ABTB3: variants seen among roughly 807,000 people sequenced by gnomAD.
ABTB3 encodes ankyrin repeat and BTB domain containing 3.
At chr12:107,546,913 G>T in the ABTB3 span, among the ~76,000 whole-genome samples, 2 of 152,068 alleles carry the variant, frequency 1.3e-5, no homozygotes, top group African/African-American at 2.4e-5. Context: ...TCTGACCAAG[G>T]CTGGGCACAG....
the ABTB3 span, among the ~76,000 whole-genome samples, chr12:107,625,647 A>C: frequency 6.6e-6 from 1 of 152,104 alleles, no homozygotes; most frequent in East Asian, 1.9e-4. Flanking sequence ...ACTACTGGGC[A>C]GTAGTAAGAG....
At chr12:107,398,225 A>G in the ABTB3 span, among the ~76,000 whole-genome samples, 1 of 151,832 alleles carries the variant, frequency 6.6e-6, no homozygotes, top group Non-Finnish European at 1.5e-5. Flanking sequence ...GCCAGACGCC[A>G]CACCACCCTG....
the ABTB3 span, among the ~76,000 whole-genome samples, chr12:107,653,885 T>A: frequency 3.9e-5 from 6 of 152,342 alleles, no homozygotes; most frequent in East Asian, 1.2e-3. Context: ...ACCGTTCATC[T>A]ATAGAATTTT....
the ABTB3 span, among the ~76,000 whole-genome samples, chr12:107,404,572 C>T: frequency 6.6e-6 from 1 of 152,200 alleles, no homozygotes; most frequent in African/African-American, 2.4e-5. Flanking sequence ...AAAAATGTAG[C>T]ACCCCAAAAG....
the ABTB3 span, among the ~76,000 whole-genome samples, chr12:107,627,427 G>A: frequency 7.9e-5 from 12 of 152,202 alleles, no homozygotes; most frequent in African/African-American, 2.9e-4. Context: ...GCAGGTAGTT[G>A]TATTTTTATT....
At chr12:107,536,434 T>C in the ABTB3 span, among the ~76,000 whole-genome samples, 1 of 152,038 alleles carries the variant, frequency 6.6e-6, no homozygotes, top group Non-Finnish European at 1.5e-5. Context: ...AAGGAAACAA[T>C]TAACAAATTG....
the ABTB3 span, among the ~76,000 whole-genome samples, chr12:107,470,220 A>G: frequency 6.6e-6 from 1 of 151,530 alleles, no homozygotes; most frequent in Non-Finnish European, 1.5e-5. Flanking sequence ...TGTGTTTTTA[A>G]TAGATATGGA....
chr12:107,544,014 C>T, the ABTB3 span: 1 of 1,613,884 alleles, frequency 6.2e-7, no homozygotes, highest in African/African-American at 1.3e-5. Context: ...CCCTGCACCA[C>T]AAGCAGGGGG....
the ABTB3 span, among the ~76,000 whole-genome samples, chr12:107,586,278 C>T: frequency 1.3e-5 from 2 of 152,106 alleles, no homozygotes; most frequent in Non-Finnish European, 2.9e-5. Context: ...CATGTCCACA[C>T]GTTGACCCCT....
chr12:107,364,748 T>A, the ABTB3 span, among the ~76,000 whole-genome samples: 3 of 152,322 alleles, frequency 2.0e-5, no homozygotes, highest in East Asian at 5.8e-4. Context: ...AGCAGCAGTA[T>A]GTCTGTCACC....
At chr12:107,322,575 A>T in the ABTB3 span, among the ~76,000 whole-genome samples, 3 of 152,272 alleles carry the variant, frequency 2.0e-5, no homozygotes, top group East Asian at 5.8e-4. Flanking sequence ...TCATTTATTT[A>T]TTCATTTGTG....
chr12:107,421,555 G>C, the ABTB3 span, among the ~76,000 whole-genome samples: 15 of 152,354 alleles, frequency 9.8e-5, no homozygotes, highest in African/African-American at 3.4e-4. Context: ...GTGCTGAAAT[G>C]CTTCAGAGAA....
the ABTB3 span, among the ~76,000 whole-genome samples, chr12:107,487,375 G>A: frequency 6.6e-6 from 1 of 152,162 alleles, no homozygotes; most frequent in Non-Finnish European, 1.5e-5. Flanking sequence ...CGGGGTTGGA[G>A]GTCTAGTTCC....
the ABTB3 span, among the ~76,000 whole-genome samples, chr12:107,563,640 G>GA: frequency 8.5e-4 from 126 of 148,900 alleles, no homozygotes; most frequent in African/African-American, 2.9e-3. Flanking sequence ...GAGGAAGAGG[G>GA]AAAAAAAAAA....
the ABTB3 span, chr12:107,642,029 T>C: frequency 6.6e-7 from 1 of 1,514,014 alleles, no homozygotes; most frequent in African/African-American, 1.4e-5. Context: ...GAGCAGAGTT[T>C]TTTGTGAGCC....
At chr12:107,385,304 AGTGATGAGTGCT>A in the ABTB3 span, among the ~76,000 whole-genome samples, 1,059 of 152,314 alleles carry the variant, frequency 7.0e-3, 15 homozygotes, top group African/African-American at 0.022. Context: ...ACTTTCCAGC[AGTGATGAGTGCT>A]GTGATGAAAA....
the ABTB3 span, among the ~76,000 whole-genome samples, chr12:107,370,652 G>A: frequency 1.3e-5 from 2 of 152,150 alleles, no homozygotes; most frequent in Non-Finnish European, 2.9e-5. Context: ...GGACTGGGTG[G>A]CCTGGTGGGG....
At chr12:107,431,485 T>C in the ABTB3 span, among the ~76,000 whole-genome samples, 2 of 152,064 alleles carry the variant, frequency 1.3e-5, no homozygotes, top group Non-Finnish European at 2.9e-5. Flanking sequence ...GGCGCATGTC[T>C]GTAATCCCAG....
the ABTB3 span, among the ~76,000 whole-genome samples, chr12:107,608,488 C>T: frequency 6.6e-6 from 1 of 152,190 alleles, no homozygotes; most frequent in Non-Finnish European, 1.5e-5. Flanking sequence ...CATGTTTACC[C>T]TCACACAACC....
Sources: gnomAD v4.1 joint callset for allele counts (sites outside exome capture counted in the v4.1 genomes callset) on GRCh38, gnomAD v4.1.1 for gene constraint, MANE v1.5 for transcripts, NCBI Gene and HGNC (gene_info 2026-07-23, HGNC 2026-07-21) for gene names.